Variants in ABCB11 observed in about 807,000 individuals in gnomAD.
ABCB11 encodes the protein ATP binding cassette subfamily B member 11, also known as bile salt export pump.
ABCB11 carries 95 observed loss-of-function variants against 148.0 expected under a neutral mutation model. The observed-to-expected ratio is 0.64, with a 90% CI of 0.54 to 0.76. The LOEUF (loss-of-function observed/expected upper bound fraction) is 0.76. ABCB11 is among the 30% of genes least tolerant of loss of function. The pLI is 0.00. For synonymous variants in ABCB11, 591 were observed against 555.4 expected, an observed-to-expected ratio of 1.06 and a Z score of -0.90; for missense variants, 1,523 against 1,617.8, an observed-to-expected ratio of 0.94 and a Z score of 1.01.
intron 1 of ABCB11, among the ~76,000 whole-genome samples, chr2:169,021,190 T>C (rs1695530238): frequency 6.6e-6 from 1 of 152,136 alleles, no homozygotes; most frequent in Admixed American, 6.5e-5. Context: ...CTCAAACTCC[T>C]GGCCTCTGAT....
rs1408215743 is a variant in ABCB11 at position 168,921,571 on chromosome 2, A to G, written c.*2051T>C. On this transcript the variant is annotated 3_prime_UTR_variant, in exon 28 of 28. Transcript: ENST00000650372. ...TCTTGACCCATTGAACACATTTATT[A>G]CCATTTTTTGAGTGTTTTTCTAATC... Among the ~76,000 whole-genome samples, 2 of 152,178 alleles carry G rather than the reference A, an allele frequency of 1.3e-5. No individual in the cohort carries two copies. Among genetic ancestry groups the G allele is most frequent in the Non-Finnish European group, 2.9e-5 (2 of 68,020 alleles).
rs142257728 is a variant in ABCB11 at position 168,985,860 on chromosome 2, T to C, written c.1083+250A>G. On this transcript the variant is annotated intron_variant, in intron 10 of 27. Transcript: ENST00000650372. ...GATTCAGTGTATACTGCTTGGGTGA[T>C]GGGTGCACCAAAATCTCACAAATCA... 1.8e-3 allele frequency among the ~76,000 whole-genome samples: 281 copies of C among 152,128 alleles called. 6 individuals are homozygous for C. The East Asian group carries it at 0.044, about 24-fold the overall frequency.
chr2:168,957,877 TA>T, intron 19 of ABCB11, 86 bp downstream of exon 19: 1 of 1,241,140 alleles, frequency 8.1e-7, no homozygotes, highest in Non-Finnish European at 1.1e-6. Flanking sequence ...AGAAAAGAGC[TA>T]AATACATGAA....
intron 27 of ABCB11, 37 bp from the exon 28 acceptor site, chr2:168,923,859 A>G (rs1691184307): frequency 3.8e-6 from 6 of 1,596,660 alleles, no homozygotes; most frequent in Non-Finnish European, 5.1e-6. Context: ...GCAAAGATGC[A>G]TGATTGCTCC....
intron 3 of ABCB11, among the ~76,000 whole-genome samples, chr2:169,014,688 C>T (rs1330791924): frequency 2.0e-5 from 3 of 152,138 alleles, no homozygotes; most frequent in Admixed American, 6.5e-5. Context: ...CTATTTGTGA[C>T]TGCATTTCCT....
At position 168,924,749 on chromosome 2, in the gene ABCB11, G is replaced by C. The variant is rs1691230734; in HGVS notation, c.3673C>G (p.Gln1225Glu). The change falls in exon 27 of 28, where the codon CAA becomes GAA. Residue 1225 changes from glutamine (Q) to glutamate (E), a missense_variant. Physicochemically the swap from Gln to Glu is conservative, Grantham distance 29 (BLOSUM62 2). Coordinates refer to ENST00000650372, the MANE Select transcript of ABCB11 (RefSeq NM_003742.4). ...ATGGCCCGAGCAATAGCAATGCGTT[G>C]TTTCTCCCCTCTAGAGAGTTGAGAC... ...QGSQLSRGEK[Q>E]RIAIARAIVR... 6.2e-7 allele frequency: 1 copy of C among 1,613,422 alleles called. No homozygotes were observed. Among genetic ancestry groups the C allele is most frequent in the Admixed American group, 1.7e-5 (1 of 59,956 alleles).
At chr2:169,028,222 T>C (rs779824232) in intron 1 of ABCB11, among the ~76,000 whole-genome samples, 72 of 151,940 alleles carry the variant, frequency 4.7e-4, no homozygotes, top group Admixed American at 7.2e-4. Flanking sequence ...CTAAAAATTG[T>C]GTGGAGCACC....
intron 1 of ABCB11, among the ~76,000 whole-genome samples, chr2:169,023,579 C>T (rs1159969321): frequency 1.3e-5 from 2 of 152,146 alleles, no homozygotes; most frequent in Non-Finnish European, 2.9e-5. Flanking sequence ...TATTATCTAG[C>T]CATTAAAATC....
At chr2:168,929,997 A>T (rs978626345) in intron 25 of ABCB11, among the ~76,000 whole-genome samples, 2 of 152,166 alleles carry the variant, frequency 1.3e-5, no homozygotes, top group African/African-American at 4.8e-5. Context: ...AGAAATGTGG[A>T]GTGGGAGTGT....
At chr2:169,028,040 T>C (rs1450015920) in intron 1 of ABCB11, among the ~76,000 whole-genome samples, 1 of 152,110 alleles carries the variant, frequency 6.6e-6, no homozygotes, top group Non-Finnish European at 1.5e-5. Flanking sequence ...TTTTCTATTA[T>C]CTTTGGCTGC....
At position 168,986,164 on chromosome 2, in the gene ABCB11, G is replaced by A. The variant is rs751446926; in HGVS notation, c.1029C>T (p.Tyr343=). 2.4e-5 allele frequency: 38 copies of A among 1,612,828 alleles called. No homozygotes were observed. Among genetic ancestry groups the A allele is most frequent in the Middle Eastern group, 1.7e-4 (1 of 6,050 alleles). Residue 343 remains tyrosine (Y), a synonymous_variant, in exon 10 of 28, where the codon TAC becomes TAT. Coordinates refer to ENST00000650372, the MANE Select transcript of ABCB11 (RefSeq NM_003742.4). ...IFLCYALAFW[Y]GSTLVLDEGE... is the part of the protein sequence containing the mutation. ...CTTCATCCAGGACAAGTGTGGAGCC[G>A]TACCAGAAGGCCAGTGCATAACACA... is the stretch of plus-strand genomic sequence containing the variant.
chr2:168,975,396 AAT>A (rs1282233937), intron 12 of ABCB11, among the ~76,000 whole-genome samples: 3 of 5,704 alleles, frequency 5.3e-4, no homozygotes, highest in Non-Finnish European at 1.4e-3. Context: ...TTTATAGATA[AAT>A]ATATAAATAT....
intron 10 of ABCB11, 148 bp downstream of exon 10, chr2:168,985,962 G>A (rs933165354): frequency 1.5e-6 from 1 of 654,466 alleles, no homozygotes; most frequent in Non-Finnish European, 2.3e-6. Context: ...AAAATTTAAG[G>A]TATTACTTGT....
intron 24 of ABCB11, among the ~76,000 whole-genome samples, chr2:168,931,348 T>C (rs569279465): frequency 6.6e-6 from 1 of 152,320 alleles, no homozygotes; most frequent in East Asian, 1.9e-4. Flanking sequence ...AATCTAGAAA[T>C]GGATAGACAT....
chr2:169,021,153 G>A (rs897822826), intron 1 of ABCB11, among the ~76,000 whole-genome samples: 8 of 152,042 alleles, frequency 5.3e-5, no homozygotes, highest in Non-Finnish European at 1.2e-4. Context: ...AGTAGAGATG[G>A]AGTTTCACCA....
At chr2:168,976,059 A>G (rs1205941894) in intron 12 of ABCB11, among the ~76,000 whole-genome samples, 1 of 152,110 alleles carries the variant, frequency 6.6e-6, no homozygotes, top group Non-Finnish European at 1.5e-5. Context: ...GCCCTGAACA[A>G]GACACGTGAG....
At chr2:169,000,514 C>T (rs1243350213) in intron 5 of ABCB11, among the ~76,000 whole-genome samples, 2 of 152,176 alleles carry the variant, frequency 1.3e-5, no homozygotes, top group South Asian at 2.1e-4. Flanking sequence ...TGCTCCACAG[C>T]CATTTGATAA....
At chr2:168,932,803 A>T (rs1691638079) in intron 23 of ABCB11, among the ~76,000 whole-genome samples, 1 of 152,072 alleles carries the variant, frequency 6.6e-6, no homozygotes, top group South Asian at 2.1e-4. Flanking sequence ...ATTTGACCAC[A>T]ATAGCTTCCT....
intron 3 of ABCB11, among the ~76,000 whole-genome samples, chr2:169,014,775 T>C (rs1403306276): frequency 6.6e-6 from 1 of 152,200 alleles, no homozygotes; most frequent in East Asian, 1.9e-4. Flanking sequence ...CTACATTAAA[T>C]AATGTTGATA....
Sources: gnomAD v4.1 joint callset for allele counts (sites outside exome capture counted in the v4.1 genomes callset) on GRCh38, gnomAD v4.1.1 for gene constraint, MANE v1.5 for transcripts, NCBI Gene and HGNC (gene_info 2026-07-23, HGNC 2026-07-21) for gene names.